TAFA1: variants seen among roughly 807,000 people sequenced by gnomAD.
TAFA1 encodes the protein TAFA chemokine like family member 1.
TAFA1 carries 4 observed loss-of-function variants against 18.5 expected under a neutral mutation model. The ratio of observed to expected loss-of-function variants is 0.22; its 90% CI spans 0.11 to 0.49. The LOEUF (loss-of-function observed/expected upper bound fraction) is 0.49, where lower values mean the gene tolerates loss of function less well. Among genes scored for constraint, TAFA1 ranks in the 20% least tolerant of loss-of-function variants. The probability of loss-of-function intolerance (pLI) is 0.98; values close to 1 mark genes in which losing one functional copy is unlikely to be tolerated. For missense variants in TAFA1, 147 were observed against 169.0 expected (o/e 0.87, Z 0.72); for synonymous variants, 56 against 55.2 (o/e 1.01, Z -0.06).
chr3:68,357,733 C>A (rs903398251), intron 2 of TAFA1, among the ~76,000 whole-genome samples: 1 of 151,844 alleles, frequency 6.6e-6, no homozygotes, highest in Non-Finnish European at 1.5e-5. Flanking sequence ...CAAAAGGCAG[C>A]CTAAGGGTGG....
At chr3:68,236,751 A>T (rs2066931933) in intron 2 of TAFA1, among the ~76,000 whole-genome samples, 1 of 152,202 alleles carries the variant, frequency 6.6e-6, no homozygotes, top group Admixed American at 6.5e-5. Context: ...CTGCCTGGTC[A>T]TATAAAAACA....
chr3:68,021,341 C>T (rs781331917), intron 2 of TAFA1, among the ~76,000 whole-genome samples: 3 of 152,070 alleles, frequency 2.0e-5, no homozygotes, highest in Non-Finnish European at 4.4e-5. Context: ...TTTTGTGACC[C>T]TCAGACTGGA....
intron 3 of TAFA1, among the ~76,000 whole-genome samples, chr3:68,526,623 G>A (rs1008195783): frequency 6.6e-6 from 1 of 152,066 alleles, no homozygotes; most frequent in African/African-American, 2.4e-5. Flanking sequence ...TAAATTTGTA[G>A]CAATTCCAGC....
chr3:68,179,099 T>G (rs2106979362), intron 2 of TAFA1, among the ~76,000 whole-genome samples: 1 of 152,326 alleles, frequency 6.6e-6, no homozygotes, highest in African/African-American at 2.4e-5. Context: ...GCAGAACCAC[T>G]CAAGACTACA....
chr3:68,314,684 G>T (rs1366196837), intron 2 of TAFA1, among the ~76,000 whole-genome samples: 3 of 152,064 alleles, frequency 2.0e-5, no homozygotes, highest in Non-Finnish European at 4.4e-5. Context: ...TTTAGCAAGT[G>T]CTTTTATATA....
intron 2 of TAFA1, among the ~76,000 whole-genome samples, chr3:68,008,528 A>T (rs1704408723): frequency 6.6e-6 from 1 of 152,104 alleles, no homozygotes; most frequent in Non-Finnish European, 1.5e-5. Flanking sequence ...CAGGAAACAG[A>T]AGCTCTGAAA....
chr3:68,037,617 T>C (rs1196073443), intron 2 of TAFA1, among the ~76,000 whole-genome samples: 1 of 152,242 alleles, frequency 6.6e-6, no homozygotes, highest in Middle Eastern at 3.2e-3. Context: ...CTTTCAGTTT[T>C]AGTGGAAAAA....
intron 3 of TAFA1, among the ~76,000 whole-genome samples, chr3:68,418,286 A>G (rs1276175448): frequency 1.3e-5 from 2 of 152,030 alleles, no homozygotes; most frequent in Non-Finnish European, 2.9e-5. Context: ...GGATTTGGGT[A>G]GAAAAAGGAA....
chr3:68,070,610 T>C (rs2064742147), intron 2 of TAFA1, among the ~76,000 whole-genome samples: 1 of 152,232 alleles, frequency 6.6e-6, no homozygotes, highest in Admixed American at 6.5e-5. Flanking sequence ...GAGAATGAGA[T>C]TTTCTTTTCT....
chr3:68,413,073 C>T (rs919207303), intron 2 of TAFA1, among the ~76,000 whole-genome samples: 33 of 152,122 alleles, frequency 2.2e-4, no homozygotes, highest in African/African-American at 7.7e-4. Context: ...ACCATTCTAA[C>T]TGGTGTGAGA....
intron 2 of TAFA1, among the ~76,000 whole-genome samples, chr3:68,102,277 C>A (rs2106819651): frequency 6.6e-6 from 1 of 152,212 alleles, no homozygotes; most frequent in Non-Finnish European, 1.5e-5. Flanking sequence ...TATGAAAGTT[C>A]TAAAACCTCT....
At chr3:68,510,505 G>A (rs1476023747) in intron 3 of TAFA1, among the ~76,000 whole-genome samples, 1 of 152,150 alleles carries the variant, frequency 6.6e-6, no homozygotes, top group African/African-American at 2.4e-5. Flanking sequence ...ACTGTGCATG[G>A]TTGACTGGGT....
chr3:68,177,619 ATAATTAGAAACTCC>A (rs2066142022), intron 2 of TAFA1, among the ~76,000 whole-genome samples: 1 of 152,192 alleles, frequency 6.6e-6, no homozygotes, highest in South Asian at 2.1e-4. Flanking sequence ...CCCAATCTAA[ATAATTAGAAACTCC>A]TAATTTTCCA....
intron 2 of TAFA1, among the ~76,000 whole-genome samples, chr3:68,376,787 T>C (rs2069827581): frequency 6.6e-6 from 1 of 152,148 alleles, no homozygotes; most frequent in South Asian, 2.1e-4. Context: ...ATGGTTTGGC[T>C]CTGTGTCCCC....
In TAFA1 at chr3:68,416,867, T is replaced by C. The variant is rs551994801; in HGVS notation, c.119-413T>C. 4.6e-5 allele frequency among the ~76,000 whole-genome samples: 7 copies of C among 152,332 alleles called. No homozygotes were observed. The South Asian group carries it at 1.2e-3, about 27-fold the overall frequency. On this transcript the variant is annotated intron_variant, in intron 2 of 4. Coordinates refer to ENST00000478136, the MANE Select transcript of TAFA1 (RefSeq NM_213609.4). ...AGAGCTGATTTCTGGGCAGTTTTTCTGGCACTGTAGCTTCTGTATCACTGG... is the reference window on the plus strand; with the variant it reads ...AGAGCTGATTTCTGGGCAGTTTTTCCGGCACTGTAGCTTCTGTATCACTGG...
At chr3:68,184,485 AAG>A (rs1276912540) in intron 2 of TAFA1, among the ~76,000 whole-genome samples, 2 of 152,106 alleles carry the variant, frequency 1.3e-5, no homozygotes, top group African/African-American at 4.8e-5. Context: ...AAGCAAAAGA[AAG>A]AGAGCTGATT....
chr3:68,243,990 G>T (rs2067035336), intron 2 of TAFA1, among the ~76,000 whole-genome samples: 1 of 152,172 alleles, frequency 6.6e-6, no homozygotes, highest in Non-Finnish European at 1.5e-5. Flanking sequence ...AGATATATGT[G>T]TAGTGAAGTC....
At chr3:68,438,109 A>G (rs990765266) in intron 3 of TAFA1, among the ~76,000 whole-genome samples, 7 of 152,188 alleles carry the variant, frequency 4.6e-5, no homozygotes, top group African/African-American at 1.7e-4. Context: ...CTGTAATACA[A>G]GCACTTTGGG....
At chr3:68,065,724 GTGTA>G (rs1413101364) in intron 2 of TAFA1, among the ~76,000 whole-genome samples, 2 of 80,400 alleles carry the variant, frequency 2.5e-5, no homozygotes, top group Non-Finnish European at 4.9e-5. Context: ...AGATGTTTGT[GTGTA>G]TGTGTGTGTG....
Sources: gnomAD v4.1 joint callset for allele counts (sites outside exome capture counted in the v4.1 genomes callset) on GRCh38, gnomAD v4.1.1 for gene constraint, MANE v1.5 for transcripts, NCBI Gene and HGNC (gene_info 2026-07-23, HGNC 2026-07-21) for gene names.